The following FRMPD4 variants were observed in gnomAD, a reference collection of about 807,000 sequenced individuals.
The protein encoded by FRMPD4 is FERM and PDZ domain-containing protein 4.
Under a neutral mutation model 94.1 loss-of-function variants are expected in FRMPD4, and 22 were observed. That is an observed-to-expected ratio of 0.23 (90% CI 0.17 to 0.33). The LOEUF (loss-of-function observed/expected upper bound fraction) is 0.33, where lower values mean the gene tolerates loss of function less well. Ranked by LOEUF, FRMPD4 falls within the 10% of genes least tolerant of loss-of-function variation. The pLI, the probability that FRMPD4 is intolerant of heterozygous loss-of-function variation, is 1.00. For synonymous variants in FRMPD4, 631 were observed against 548.6 expected (o/e 1.15, Z -2.10); for missense variants, 1,111 against 1,339.9 (o/e 0.83, Z 2.67).
chrX:12,163,973 G>A (rs542646283), intron 1 of FRMPD4, among the ~76,000 whole-genome samples: 20 of 111,135 alleles, frequency 1.8e-4, no homozygotes, highest in East Asian at 5.6e-4. Flanking sequence ...TATTGTTTCC[G>A]TTTAAGAGAA....
intron 3 of FRMPD4, among the ~76,000 whole-genome samples, chrX:12,053,438 A>AAGAAGAGAAG (rs199656546): frequency 1.0e-5 from 1 of 99,198 alleles, no homozygotes; most frequent in Non-Finnish European, 2.1e-5. Context: ...AAGAGAAAGA[A>AAGAAGAGAAG]AGAAGAGAAG....
intron 2 of FRMPD4, among the ~76,000 whole-genome samples, chrX:12,605,630 G>T (rs898963585): frequency 9.0e-6 from 1 of 110,899 alleles, no homozygotes; most frequent in African/African-American, 3.3e-5. Context: ...TCACCACCCT[G>T]CCTGCAACCC....
rs867865929 is a variant in FRMPD4, at chrX:12,091,258, T to A, written c.95+213240T>A. Among the ~76,000 whole-genome samples the A allele has an allele frequency of 9.6e-4, 105 of 109,506 alleles. No individual in the cohort carries two copies. The Middle Eastern group carries it at 0.014, about 15-fold the overall frequency. On this transcript the variant is annotated intron_variant, in intron 3 of 18. Transcript: ENST00000640291. ...GTGATAAGCAGCTGAACTAGGATTT[T>A]AAAAAAAAGCAGTCTGCCTCCAGAT...
intron 3 of FRMPD4, among the ~76,000 whole-genome samples, chrX:11,949,814 C>T (rs1306144118): frequency 4.5e-5 from 5 of 111,217 alleles, no homozygotes; most frequent in Non-Finnish European, 9.4e-5. Flanking sequence ...ATGGTTGAGA[C>T]AATGTCAAAT....
At chrX:12,501,932 C>G (rs2057926213) in intron 2 of FRMPD4, among the ~76,000 whole-genome samples, 1 of 111,972 alleles carries the variant, frequency 8.9e-6, no homozygotes, top group African/African-American at 3.2e-5. Flanking sequence ...AACCTGTTAT[C>G]TATAGAGTTA....
At chrX:12,651,191 C>G (rs1013519265) in intron 4 of FRMPD4, among the ~76,000 whole-genome samples, 3 of 112,300 alleles carry the variant, frequency 2.7e-5, no homozygotes, top group African/African-American at 9.7e-5. Context: ...GCAAATGCTC[C>G]ACATCCTACG....
At chrX:11,970,155 C>A (rs2054332591) in intron 3 of FRMPD4, among the ~76,000 whole-genome samples, 1 of 112,124 alleles carries the variant, frequency 8.9e-6, no homozygotes, top group Non-Finnish European at 1.9e-5. Flanking sequence ...TTTTCCAAAG[C>A]CGCATATTAT....
intron 1 of FRMPD4, among the ~76,000 whole-genome samples, chrX:12,417,472 G>A (rs1208494421): frequency 3.8e-5 from 4 of 105,768 alleles, no homozygotes; most frequent in East Asian, 3.0e-4. Context: ...CCAGCTACTT[G>A]GGGGGCCAAG....
intron 1 of FRMPD4, among the ~76,000 whole-genome samples, chrX:12,205,048 C>T: frequency 9.4e-6 from 1 of 106,112 alleles, no homozygotes; most frequent in Middle Eastern, 4.7e-3. Context: ...CCCAGTAGTG[C>T]TCTTCAACCA....
intron 3 of FRMPD4, among the ~76,000 whole-genome samples, chrX:11,984,874 A>C (rs1320801663): frequency 2.7e-5 from 3 of 112,496 alleles, no homozygotes; most frequent in Non-Finnish European, 5.6e-5. Context: ...AAAAATGGGC[A>C]AAGGTCTTGA....
At chrX:11,827,850 G>C (rs943058934) in intron 1 of FRMPD4, among the ~76,000 whole-genome samples, 3 of 112,026 alleles carry the variant, frequency 2.7e-5, no homozygotes, top group East Asian at 2.8e-4. Flanking sequence ...AATTATAAGA[G>C]AGTGGCTTAA....
chrX:12,474,126 A>G (rs1364549467), intron 1 of FRMPD4, among the ~76,000 whole-genome samples: 1 of 110,595 alleles, frequency 9.0e-6, no homozygotes, highest in Non-Finnish European at 1.9e-5. Flanking sequence ...GTGAGACCAC[A>G]GTGCAATCAA....
intron 1 of FRMPD4, among the ~76,000 whole-genome samples, chrX:12,352,979 A>C (rs1240053716): frequency 8.9e-6 from 1 of 111,970 alleles, no homozygotes; most frequent in Non-Finnish European, 1.9e-5. Flanking sequence ...AATTGGAATG[A>C]ATAGGTATAT....
chrX:12,024,179 T>G (rs753187668), intron 3 of FRMPD4, among the ~76,000 whole-genome samples: 21 of 111,920 alleles, frequency 1.9e-4, no homozygotes, highest in Non-Finnish European at 4.0e-4. Context: ...GTTCTCACCA[T>G]GAAGGTTGAA....
intron 1 of FRMPD4, among the ~76,000 whole-genome samples, chrX:12,280,473 C>G (rs1601773752): frequency 9.1e-6 from 1 of 110,012 alleles, no homozygotes; most frequent in East Asian, 2.9e-4. Flanking sequence ...ATCTGCCATT[C>G]CTGGGCAGCC....
At chrX:12,339,692 C>A (rs1463364860) in intron 1 of FRMPD4, among the ~76,000 whole-genome samples, 1 of 109,941 alleles carries the variant, frequency 9.1e-6, no homozygotes, top group African/African-American at 3.3e-5. Flanking sequence ...TTGCGGCTCA[C>A]TGCAACCTCC....
intron 3 of FRMPD4, among the ~76,000 whole-genome samples, chrX:12,045,587 C>G (rs751309612): frequency 2.5e-4 from 28 of 111,018 alleles, no homozygotes; most frequent in Non-Finnish European, 4.7e-4. Context: ...CTTCCATTTT[C>G]CCCTGCAAGA....
intron 3 of FRMPD4, among the ~76,000 whole-genome samples, chrX:11,973,708 G>A (rs1377626015): frequency 2.7e-5 from 3 of 111,745 alleles, no homozygotes; most frequent in Non-Finnish European, 1.9e-5. Flanking sequence ...TTGTTACTGA[G>A]AGAGAAACCT....
intron 3 of FRMPD4, among the ~76,000 whole-genome samples, chrX:11,878,717 C>T (rs1398527389): frequency 8.9e-6 from 1 of 112,125 alleles, no homozygotes; most frequent in Non-Finnish European, 1.9e-5. Context: ...ATCAGTAATG[C>T]ACACACTTTG....
Sources: gnomAD v4.1 joint callset for allele counts (sites outside exome capture counted in the v4.1 genomes callset) on GRCh38, gnomAD v4.1.1 for gene constraint, MANE v1.5 for transcripts, NCBI Gene and HGNC (gene_info 2026-07-23, HGNC 2026-07-21) for gene names.